IPO5: variants seen among roughly 807,000 people sequenced by gnomAD.
IPO5 encodes importin 5, also known as importin-5.
A neutral mutation model predicts 143.3 loss-of-function variants in IPO5; 18 were observed. The observed-to-expected ratio is 0.13, with a 90% confidence interval of 0.09 to 0.19. The LOEUF is 0.19. Ranked by LOEUF, IPO5 falls within the 10% of genes least tolerant of loss-of-function variation. The pLI is 1.00. For synonymous variants in IPO5, 477 were observed against 465.7 expected, an observed-to-expected ratio of 1.02 and a Z score of -0.31; for missense variants, 1,013 against 1,336.9, an observed-to-expected ratio of 0.76 and a Z score of 3.78.
Position 98,023,674 on chromosome 13 carries a change from G to A in IPO5, c.*1852G>A, listed in dbSNP as rs74627834. The A allele has an allele frequency of 5.9e-5, 9 of 152,254 alleles. No individual in the cohort carries two copies. In the East Asian group the frequency reaches 1.4e-3, roughly 23 times the overall value. 9.4% of individuals were successfully genotyped at this position (152,254 alleles called of 1,614,324 possible). Reference sequence around the variant, plus strand: ...AACACTAGTGGTATTGTCAGATGCCGTTAGTATCTGAGATGTACTTACAGC... The same window carrying A: ...AACACTAGTGGTATTGTCAGATGCCATTAGTATCTGAGATGTACTTACAGC... On this transcript the variant is annotated 3_prime_UTR_variant, in exon 29 of 29. Coordinates refer to ENST00000651721, the MANE Select transcript of IPO5 (RefSeq NM_002271.6).
intron 27 of IPO5, among the ~76,000 whole-genome samples, chr13:98,020,646 T>C (rs1594139038): frequency 6.6e-6 from 1 of 152,268 alleles, no homozygotes; most frequent in East Asian, 1.9e-4. Context: ...TTGAAATGTT[T>C]ATATAATTTT....
In IPO5 at chr13:98,010,238, G is replaced by GT; in HGVS notation, c.2055+19dup. 6.2e-7 allele frequency: 1 copy of GT among 1,607,334 alleles called. No individual in the cohort carries two copies. The highest frequency in any genetic ancestry group is 1.1e-5 in the South Asian group (1 of 89,520). The stretch of plus-strand genomic sequence containing the variant: ...TGCCAGATGTTGGTAAGAGAGCACT[G>GT]TTTTTACTAAACTTTTATTTTACAT... On this transcript the variant is annotated intron_variant, in intron 20 of 28. Transcript: ENST00000651721.
Position 98,002,720 on chromosome 13 carries a change from G to A in IPO5, c.1270G>A (p.Gly424Arg). 1.9e-6 allele frequency: 3 copies of A among 1,612,654 alleles called. No individual in the cohort carries two copies. The highest frequency in any genetic ancestry group is 2.5e-6 in the Non-Finnish European group (3 of 1,179,448). The change falls in exon 15 of 29, where the codon GGA becomes AGA. Residue 424 changes from glycine to arginine, a missense_variant. By Grantham distance (125) the Gly-to-Arg change is moderately radical. Transcript: ENST00000651721. ...AAGGTATGCAGCCTGTAATGCCGTG[G>A]GACAGATGGCTACAGATTTTGCACC... ...RVRYAACNAV[G>R]QMATDFAPGF...
chr13:97,996,912 A>G (rs1267022386), intron 11 of IPO5, among the ~76,000 whole-genome samples: 1 of 152,142 alleles, frequency 6.6e-6, no homozygotes, highest in East Asian at 1.9e-4. Flanking sequence ...ATTTTTTAGT[A>G]CTATTTGAAG....
At chr13:97,983,652 A>C (rs936696393) in intron 5 of IPO5, among the ~76,000 whole-genome samples, 4 of 151,048 alleles carry the variant, frequency 2.6e-5, no homozygotes, top group African/African-American at 9.7e-5. Flanking sequence ...CTAGAAAACT[A>C]TTCTACCTAC....
At chr13:97,986,495 A>G (rs1029205091) in intron 6 of IPO5, among the ~76,000 whole-genome samples, 1 of 152,112 alleles carries the variant, frequency 6.6e-6, no homozygotes, top group East Asian at 1.9e-4. Flanking sequence ...ATCTGGAATT[A>G]CAGGCATGCG....
At chr13:97,958,624 C>T (rs1460258413) in intron 2 of IPO5, among the ~76,000 whole-genome samples, 4 of 151,492 alleles carry the variant, frequency 2.6e-5, no homozygotes, top group South Asian at 2.1e-4. Context: ...AACCTTGGAT[C>T]GGCCTCTGCA....
At chr13:97,999,461 A>G (rs1888579230) in intron 12 of IPO5, among the ~76,000 whole-genome samples, 1 of 152,178 alleles carries the variant, frequency 6.6e-6, no homozygotes, top group Admixed American at 6.5e-5. Flanking sequence ...TTAAATTTAT[A>G]CAGTTTAAGA....
intron 5 of IPO5, among the ~76,000 whole-genome samples, chr13:97,984,180 G>T (rs1432429610): frequency 6.6e-6 from 1 of 150,504 alleles, no homozygotes; most frequent in Non-Finnish European, 1.5e-5. Flanking sequence ...GGGTTTCACC[G>T]TTTTAGCCGG....
At chr13:97,958,617 C>T (rs1382236841) in intron 2 of IPO5, among the ~76,000 whole-genome samples, 1 of 151,710 alleles carries the variant, frequency 6.6e-6, no homozygotes, top group Non-Finnish European at 1.5e-5. Flanking sequence ...CCTCACAAAC[C>T]TTGGATCGGC....
intron 21 of IPO5, among the ~76,000 whole-genome samples, chr13:98,012,886 T>A (rs1258882553): frequency 1.3e-5 from 2 of 148,796 alleles, no homozygotes; most frequent in Non-Finnish European, 3.0e-5. Context: ...GCTCAAGCAG[T>A]CCTCCTGCCT....
chr13:98,018,700 T>C lies in IPO5; in HGVS notation c.2832T>C (p.Cys944=), dbSNP rs745311969. The C allele has an allele frequency of 6.2e-7, 1 of 1,612,696 alleles. No individual in the cohort carries two copies. Among genetic ancestry groups the C allele is most frequent in the South Asian group, 1.1e-5 (1 of 91,014 alleles). Reference sequence around the variant, plus strand: ...GTGGAGATAATTATCGCCCTTTTTGTACAGGTACGTTTGCTTATTCCGTTA... The same window carrying C: ...GTGGAGATAATTATCGCCCTTTTTGCACAGGTACGTTTGCTTATTCCGTTA... ...QYGGDNYRPF[C]TEALPLLVRV... Residue 944 remains cysteine (C), a synonymous_variant, in exon 26 of 29, where the codon TGT becomes TGC. Coordinates refer to ENST00000651721, the MANE Select transcript of IPO5 (RefSeq NM_002271.6).
In IPO5 at chr13:98,024,155, T is replaced by A. The variant is rs1476582006; in HGVS notation, c.*2333T>A. The stretch of plus-strand genomic sequence containing the variant: ...GCATAACTCAATTTGGAGTATTTTT[T>A]AAATGCTGTATCTTTAAAGAAAAGT... On this transcript the variant is annotated 3_prime_UTR_variant, in exon 29 of 29. Coordinates refer to ENST00000651721, the MANE Select transcript of IPO5 (RefSeq NM_002271.6). 4 of 152,228 alleles carry A rather than the reference T, an allele frequency of 2.6e-5. No homozygotes were observed. The highest frequency in any genetic ancestry group is 6.5e-5 in the Admixed American group (1 of 15,278). 9.4% of individuals were successfully genotyped at this position (152,228 alleles called of 1,614,324 possible).
intron 2 of IPO5, among the ~76,000 whole-genome samples, chr13:97,957,442 T>C (rs1312987477): frequency 6.6e-6 from 1 of 152,070 alleles, no homozygotes; most frequent in Admixed American, 6.6e-5. Flanking sequence ...CCTCAGGTGA[T>C]CCACCTACCT....
At chr13:97,989,819 G>A (rs1887673949) in intron 7 of IPO5, among the ~76,000 whole-genome samples, 1 of 152,206 alleles carries the variant, frequency 6.6e-6, no homozygotes, top group Non-Finnish European at 1.5e-5. Flanking sequence ...CTGAAAACCT[G>A]TGGTTGCTCT....
intron 11 of IPO5, 124 bp from the exon 12 acceptor site, chr13:97,997,407 A>G: frequency 2.1e-6 from 1 of 470,712 alleles, no homozygotes; most frequent in East Asian, 3.4e-5. Flanking sequence ...GGGGGCACAG[A>G]CAAATAATTG....
chr13:98,000,515 A>G (rs779338579), intron 12 of IPO5, 24 bp from the exon 13 acceptor site: 3 of 1,439,470 alleles, frequency 2.1e-6, no homozygotes, highest in South Asian at 2.3e-5. Flanking sequence ...TATATTGAGT[A>G]CATAATTCTG....
chr13:97,956,260 G>C (rs1194842328), intron 2 of IPO5, among the ~76,000 whole-genome samples: 1 of 152,142 alleles, frequency 6.6e-6, no homozygotes, highest in Non-Finnish European at 1.5e-5. Flanking sequence ...ATGGTTGAAG[G>C]CTCATTGGTT....
rs201277858 is a variant in IPO5 at position 98,021,165 on chromosome 13, A to T, written c.3207+32A>T. The T allele has an allele frequency of 9.0e-6, 14 of 1,563,648 alleles. No homozygotes were observed. The Admixed American group carries it at 3.0e-4, about 33-fold the overall frequency. ...TGATTTGGTTGAATTGGGGAGGGGG[A>T]GATAAAACCTTTTTTTCTTTGTAGT... is the stretch of plus-strand genomic sequence containing the variant. On this transcript the variant is annotated intron_variant, in intron 28 of 28. Coordinates refer to ENST00000651721, the MANE Select transcript of IPO5 (RefSeq NM_002271.6).
Sources: allele counts gnomAD v4.1 joint callset (sites outside exome capture counted in the v4.1 genomes callset), GRCh38; gene constraint gnomAD v4.1.1; transcripts MANE v1.5; gene names NCBI Gene and HGNC (gene_info 2026-07-23, HGNC 2026-07-21).